USP9X: variants seen among roughly 807,000 people sequenced by gnomAD.
The protein encoded by USP9X is ubiquitin carboxyl-terminal hydrolase 9X.
In USP9X, 7 loss-of-function variants were observed where a neutral mutation model predicts 190.3. The observed-to-expected ratio is 0.04, with a 90% CI of 0.02 to 0.07. The LOEUF is 0.07. Among genes scored for constraint, USP9X ranks in the 10% least tolerant of loss-of-function variants. The pLI is 1.00. For missense variants in USP9X, 1,010 were observed against 1,916.9 expected (o/e 0.53, Z 8.83); for synonymous variants, 645 against 659.5 (o/e 0.98, Z 0.34).
intron 15 of USP9X, 65 bp from the exon 16 acceptor site, chrX:41,165,807 T>C (rs1348027302): frequency 6.3e-6 from 6 of 947,619 alleles, no homozygotes; most frequent in Admixed American, 2.5e-5. Flanking sequence ...TTATAGGTAA[T>C]ACAGATTGCC....
intron 14 of USP9X, among the ~76,000 whole-genome samples, chrX:41,156,838 AT>A (rs992295208): frequency 9.0e-6 from 1 of 111,275 alleles, no homozygotes; most frequent in Non-Finnish European, 1.9e-5. Flanking sequence ...ACAAATGGAG[AT>A]TTGGGTGATG....
At chrX:41,163,586 TA>T (rs1163486799) in intron 15 of USP9X, among the ~76,000 whole-genome samples, 1 of 107,048 alleles carries the variant, frequency 9.3e-6, no homozygotes, top group Non-Finnish European at 1.9e-5. Flanking sequence ...ATCCCATCTC[TA>T]AAAAAAAATA....
chrX:41,167,399 T>C, intron 16 of USP9X, 83 bp from the exon 17 acceptor site: 1 of 728,267 alleles, frequency 1.4e-6, no homozygotes, highest in Non-Finnish European at 2.1e-6. Flanking sequence ...GTGTTTAAGA[T>C]AACTGAGGAT....
intron 32 of USP9X, among the ~76,000 whole-genome samples, chrX:41,207,164 C>G (rs1455182941): frequency 1.1e-5 from 1 of 94,165 alleles, no homozygotes; most frequent in Non-Finnish European, 2.0e-5. Flanking sequence ...TCTCAGCTCA[C>G]TGCAACCTCT....
intron 15 of USP9X, among the ~76,000 whole-genome samples, chrX:41,163,530 T>C (rs2062651886): frequency 9.1e-6 from 1 of 109,923 alleles, no homozygotes; most frequent in African/African-American, 3.3e-5. Flanking sequence ...GGCAAGTGGA[T>C]GGTTTGAGCC....
At chrX:41,139,235 A>G (rs1221783453) in intron 6 of USP9X, among the ~76,000 whole-genome samples, 2 of 112,551 alleles carry the variant, frequency 1.8e-5, no homozygotes, top group African/African-American at 6.4e-5. Context: ...TGGTGAATTA[A>G]GTACTCGAGT....
intron 26 of USP9X, 40 bp from the exon 27 acceptor site, chrX:41,196,211 T>A (rs1368428510): frequency 1.7e-6 from 2 of 1,185,393 alleles, no homozygotes; most frequent in Non-Finnish European, 2.3e-6. Flanking sequence ...TTTTTTAAAA[T>A]GGAAATAATG....
chrX:41,198,451 A>T, intron 29 of USP9X, 77 bp from the exon 30 acceptor site: 1 of 648,518 alleles, frequency 1.5e-6, no homozygotes, highest in Non-Finnish European at 2.1e-6. Context: ...TTTTAAAATG[A>T]TTTACTTACA....
chrX:41,233,627 C>G lies in USP9X; in HGVS notation c.*1103C>G, dbSNP rs751548446. 30 of 112,173 alleles carry G rather than the reference C, an allele frequency of 2.7e-4. No homozygotes were observed. Among genetic ancestry groups the G allele is most frequent in the African/African-American group, 9.7e-4 (30 of 30,861 alleles). 9.2% of individuals were successfully genotyped at this position (112,173 alleles called of 1,213,427 possible). ...GGAGTACCTCTCTGCACCAAGATAG[C>G]TGGCTGATTTTCTGCTCAGTCACAA... On this transcript the variant is annotated 3_prime_UTR_variant, in exon 45 of 45. Transcript: ENST00000378308.
intron 1 of USP9X, among the ~76,000 whole-genome samples, chrX:41,099,096 G>GTATTTTTTTTTTTTTTTT (rs2062014965): frequency 2.3e-5 from 1 of 44,274 alleles, no homozygotes; most frequent in Admixed American, 3.8e-4. Flanking sequence ...CCAGATAATT[G>GTATTTTTTTTTTTTTTTT]TTTTTTTTTT....
intron 3 of USP9X, among the ~76,000 whole-genome samples, chrX:41,131,228 C>T (rs914943659): frequency 2.7e-5 from 3 of 111,553 alleles, no homozygotes; most frequent in African/African-American, 9.8e-5. Flanking sequence ...TTTCTTCCCT[C>T]TCTTATTGCT....
At chrX:41,106,887 C>CTTTTTT (rs60809399) in intron 1 of USP9X, among the ~76,000 whole-genome samples, 3 of 79,989 alleles carry the variant, frequency 3.8e-5, no homozygotes, top group Non-Finnish European at 5.0e-5. Flanking sequence ...CTTTTCTTTT[C>CTTTTTT]TTTTTTTTTT....
In USP9X at chrX:41,164,343, ATTGT is replaced by A. The variant is rs1350487937; in HGVS notation, c.1985+1469_1985+1472del. On this transcript the variant is annotated intron_variant, in intron 15 of 44. Transcript: ENST00000378308. The stretch of plus-strand genomic sequence containing the variant: ...GAAATTTGGCATTTGTTTAAAGTGC[ATTGT>A]TTTTTTTTTTCCTGTGTGTTTTGTT... Among the ~76,000 whole-genome samples, 14 of 102,227 alleles carry A rather than the reference ATTGT, an allele frequency of 1.4e-4. No homozygotes were observed. In the Admixed American group the frequency reaches 1.4e-3, roughly 10 times the overall value. The allele number at this position is 102,227 out of a possible 115,157, so 88.8% of individuals were successfully genotyped here.
intron 1 of USP9X, among the ~76,000 whole-genome samples, chrX:41,120,711 G>A (rs1426718619): frequency 9.0e-6 from 1 of 110,638 alleles, no homozygotes; most frequent in Non-Finnish European, 1.9e-5. Flanking sequence ...TGTTAGCCAG[G>A]ATGGTCTTGA....
At chrX:41,100,521 G>A (rs1489541829) in intron 1 of USP9X, among the ~76,000 whole-genome samples, 2 of 111,717 alleles carry the variant, frequency 1.8e-5, no homozygotes, top group African/African-American at 6.5e-5. Context: ...TTTTTAATTA[G>A]CATTTTTTCC....
chrX:41,086,108 C>G lies in USP9X; in HGVS notation c.-160C>G. The G allele has an allele frequency of 3.4e-6, 1 of 295,237 alleles. No individual in the cohort carries two copies. The highest frequency in any genetic ancestry group is 5.9e-6 in the Non-Finnish European group (1 of 169,717). 24.3% of individuals were successfully genotyped at this position (295,237 alleles called of 1,213,427 possible). On this transcript the variant is annotated splice_region_variant and 5_prime_UTR_variant, in exon 1 of 45. Transcript: ENST00000378308. ...GTTGTGAGAAGACGTCTGTGTCGTG[C>G]GGTGAGTGGCCAGCTGCACTGGGGC... is the stretch of plus-strand genomic sequence containing the variant.
chrX:41,124,054 CAAAAAA>C (rs998094467), intron 2 of USP9X, among the ~76,000 whole-genome samples: 2 of 107,310 alleles, frequency 1.9e-5, no homozygotes, highest in Non-Finnish European at 3.9e-5. Flanking sequence ...AAAACAAAAA[CAAAAAA>C]CCTACATTGG....
At position 41,196,357 on chromosome X, in the gene USP9X, G is replaced by A. The variant is rs1204382111; in HGVS notation, c.4084G>A (p.Gly1362Arg). The change falls in exon 27 of 45, where the codon GGG becomes AGG. Residue 1362 changes from glycine (G) to arginine (R), a missense_variant and splice_region_variant. Gly to Arg is a moderately radical substitution (Grantham distance 125, BLOSUM62 -2). This residue lies in a region of USP9X where 351 missense variants were observed against 480.8 expected (regional missense o/e 0.73). Coordinates refer to ENST00000378308, the MANE Select transcript of USP9X (RefSeq NM_001039591.3). ...CATTACTCTACTCTTTACTGTTTTG[G>A]GGGTGAGACTTTTTAAAATATGCTT... ...FFITLLFTVL[G>R]STARERAKHS... 1 of 1,200,441 alleles carries A rather than the reference G, an allele frequency of 8.3e-7. No individual in the cohort carries two copies. The highest frequency in any genetic ancestry group is 1.1e-6 in the Non-Finnish European group (1 of 889,216).
chrX:41,087,956 G>T (rs994607742), intron 1 of USP9X, among the ~76,000 whole-genome samples: 1 of 111,533 alleles, frequency 9.0e-6, no homozygotes, highest in African/African-American at 3.3e-5. Flanking sequence ...AGGTTATTGG[G>T]GTCTCTAGTT....
Sources: gnomAD v4.1 joint callset for allele counts (sites outside exome capture counted in the v4.1 genomes callset) on GRCh38, gnomAD v4.1.1 for gene constraint, gnomAD v4.1.1 regional missense constraint, MANE v1.5 for transcripts, NCBI Gene and HGNC (gene_info 2026-07-23, HGNC 2026-07-21) for gene names.